JMJD1C: variants seen among roughly 807,000 people sequenced by gnomAD.
The protein encoded by JMJD1C is jumonji domain containing 1C.
Under a neutral mutation model 245.3 loss-of-function variants are expected in JMJD1C, and 31 were observed. That is an observed-to-expected ratio of 0.13 (90% CI 0.09 to 0.17). JMJD1C has a LOEUF of 0.17. JMJD1C is among the 10% of genes least tolerant of loss of function. The probability of loss-of-function intolerance (pLI) is 1.00; values close to 1 mark genes in which losing one functional copy is unlikely to be tolerated. For synonymous variants in JMJD1C, 1,057 were observed against 1,017.4 expected, an observed-to-expected ratio of 1.04 and a Z score of -0.74; for missense variants, 2,691 against 3,000.2, an observed-to-expected ratio of 0.90 and a Z score of 2.41.
At chr10:63,381,948 A>G (rs1343031392) in intron 1 of JMJD1C, among the ~76,000 whole-genome samples, 1 of 152,218 alleles carries the variant, frequency 6.6e-6, no homozygotes, top group Non-Finnish European at 1.5e-5. Context: ...GCGATGGCTC[A>G]TGCCTGTAAT....
At chr10:63,503,859 AT>A (rs1460822688) in intron 1 of JMJD1C, among the ~76,000 whole-genome samples, 1 of 152,154 alleles carries the variant, frequency 6.6e-6, no homozygotes, top group Non-Finnish European at 1.5e-5. Flanking sequence ...TTAGAGTATG[AT>A]CATTGAGTCT....
intron 2 of JMJD1C, among the ~76,000 whole-genome samples, chr10:63,287,052 A>G (rs1237733399): frequency 6.6e-6 from 1 of 152,200 alleles, no homozygotes; most frequent in Non-Finnish European, 1.5e-5. Flanking sequence ...CTCTACAAAA[A>G]TTACAAAAAT....
chr10:63,469,471 G>GT (rs2133145735), upstream of JMJD1C, among the ~76,000 whole-genome samples: 1 of 152,276 alleles, frequency 6.6e-6, no homozygotes, highest in East Asian at 1.9e-4. Context: ...GTGAAGGTCA[G>GT]TTATCAAGTT....
chr10:63,204,706 C>G (rs1846396409), intron 10 of JMJD1C: 1 of 985,364 alleles, frequency 1.0e-6, no homozygotes, highest in African/African-American at 1.7e-5. Flanking sequence ...CGATGTTAAT[C>G]CCCCTCTCTG....
chr10:63,394,493 G>A (rs1020039993), intron 1 of JMJD1C, among the ~76,000 whole-genome samples: 1 of 152,048 alleles, frequency 6.6e-6, no homozygotes, highest in Non-Finnish European at 1.5e-5. Context: ...TATAATATTC[G>A]TGACCTTGGA....
chr10:63,373,501 T>C (rs976335816), intron 2 of JMJD1C, among the ~76,000 whole-genome samples: 2 of 152,194 alleles, frequency 1.3e-5, no homozygotes, highest in African/African-American at 4.8e-5. Context: ...TTCCACTAAT[T>C]TCTAGGTATA....
At chr10:63,328,988 C>A (rs1020909826) in intron 2 of JMJD1C, among the ~76,000 whole-genome samples, 3 of 152,118 alleles carry the variant, frequency 2.0e-5, no homozygotes, top group African/African-American at 7.2e-5. Flanking sequence ...TCACTATTAA[C>A]AGTAAAAAAC....
At chr10:63,448,938 G>C (rs1951869397) in intron 1 of JMJD1C, among the ~76,000 whole-genome samples, 1 of 152,056 alleles carries the variant, frequency 6.6e-6, no homozygotes, top group African/African-American at 2.4e-5. Context: ...CCAACATGGT[G>C]AAACCCCTTC....
At chr10:63,282,054 C>T (rs971365170) in intron 2 of JMJD1C, among the ~76,000 whole-genome samples, 3 of 152,096 alleles carry the variant, frequency 2.0e-5, no homozygotes, top group African/African-American at 7.2e-5. Flanking sequence ...TTTTCCTAAT[C>T]GTTTCATTGT....
chr10:63,177,702 C>A lies in JMJD1C; in HGVS notation c.7224+15G>T. ...GCTTGAGGGGAAGAGATATTATTTG[C>A]AAACTAACTTATACCTTTTGAAGAA... On this transcript the variant is annotated intron_variant, in intron 23 of 25. Coordinates refer to ENST00000399262, the MANE Select transcript of JMJD1C (RefSeq NM_032776.3). 6.2e-7 allele frequency: 1 copy of A among 1,613,252 alleles called. No homozygotes were observed. The highest frequency in any genetic ancestry group is 2.2e-5 in the East Asian group (1 of 44,860).
At chr10:63,334,840 T>A (rs894810235) in intron 2 of JMJD1C, among the ~76,000 whole-genome samples, 3 of 151,792 alleles carry the variant, frequency 2.0e-5, no homozygotes, top group Non-Finnish European at 4.4e-5. Flanking sequence ...TCCCAAGTAG[T>A]GGGACTACAG....
At chr10:63,296,999 T>G (rs555308273) in intron 2 of JMJD1C, among the ~76,000 whole-genome samples, 2 of 152,340 alleles carry the variant, frequency 1.3e-5, no homozygotes, top group African/African-American at 4.8e-5. Flanking sequence ...CCATATGTGT[T>G]TCTTTCACCA....
At chr10:63,366,908 C>T (rs1404540539) in intron 2 of JMJD1C, among the ~76,000 whole-genome samples, 1 of 152,180 alleles carries the variant, frequency 6.6e-6, no homozygotes, top group Non-Finnish European at 1.5e-5. Flanking sequence ...AACGCAAATC[C>T]TAATGCTGGG....
intron 2 of JMJD1C, among the ~76,000 whole-genome samples, chr10:63,290,245 G>A (rs1346379480): frequency 6.6e-6 from 1 of 152,068 alleles, no homozygotes; most frequent in East Asian, 1.9e-4. Flanking sequence ...GTATATTTCC[G>A]AAACTTCTGA....
Position 63,206,810 on chromosome 10 carries a change from C to G in JMJD1C, c.4859G>C (p.Arg1620Thr), listed in dbSNP as rs751274326. Residue 1620 changes from arginine (R) to threonine (T), a missense_variant, in exon 10 of 26, where the codon AGA (arginine) becomes ACA (threonine). Arg to Thr is a moderately conservative substitution (Grantham distance 71). This residue lies in a region of JMJD1C where 144 missense variants were observed against 143.3 expected (regional missense o/e 1.00). Transcript: ENST00000399262. ...ACTTTCAGAGCCAGATTCATAAGTTCTTTTGGCTTTTCTCCTGTTGACTTT... is the reference window on the plus strand; with the variant it reads ...ACTTTCAGAGCCAGATTCATAAGTTGTTTTGGCTTTTCTCCTGTTGACTTT... ...DDKVNRRKAK[R>T]TYESGSESGD... is the part of the protein sequence containing the mutation. 1.2e-6 allele frequency: 2 copies of G among 1,601,768 alleles called. No individual in the cohort carries two copies. The highest frequency in any genetic ancestry group is 1.7e-5 in the Admixed American group (1 of 57,240).
intron 1 of JMJD1C, among the ~76,000 whole-genome samples, chr10:63,461,566 C>T (rs542783725): frequency 5.3e-5 from 8 of 152,226 alleles, no homozygotes; most frequent in African/African-American, 1.9e-4. Flanking sequence ...ATATTTAAGA[C>T]AGAAGTTTTG....
chr10:63,267,869 GAAC>G (rs942962897), intron 2 of JMJD1C, among the ~76,000 whole-genome samples: 1 of 152,036 alleles, frequency 6.6e-6, no homozygotes. Context: ...AGAATGCTTA[GAAC>G]AACTGTATCC....
chr10:63,220,058 C>T (rs910476932), intron 3 of JMJD1C, 75 bp from the exon 4 acceptor site: 21 of 1,061,042 alleles, frequency 2.0e-5, no homozygotes, highest in Non-Finnish European at 2.8e-5. Flanking sequence ...CCCTCCTATA[C>T]GTTCTAAGGA....
chr10:63,243,285 G>C (rs941275533), intron 3 of JMJD1C, among the ~76,000 whole-genome samples: 5 of 151,778 alleles, frequency 3.3e-5, no homozygotes, highest in African/African-American at 1.2e-4. Flanking sequence ...CTAGCACTTT[G>C]GGAGGCTGAG....
Sources: allele counts gnomAD v4.1 joint callset (sites outside exome capture counted in the v4.1 genomes callset), GRCh38; gene constraint gnomAD v4.1.1; regional missense constraint gnomAD v4.1.1; transcripts MANE v1.5; gene names NCBI Gene and HGNC (gene_info 2026-07-23, HGNC 2026-07-21).